Variants in ENTREP2 observed in about 807,000 individuals in gnomAD.
ENTREP2 encodes endosomal transmembrane epsin interactor 2, also known as protein ENTREP2.
the ENTREP2 span, among the ~76,000 whole-genome samples, chr15:29,223,537 G>A: frequency 6.6e-6 from 1 of 152,216 alleles, no homozygotes; most frequent in Non-Finnish European, 1.5e-5. Context: ...ACTCAGCTAC[G>A]TGTAACTGGA....
At chr15:29,269,504 C>A in the ENTREP2 span, 2 of 1,600,412 alleles carry the variant, frequency 1.2e-6, no homozygotes, top group Middle Eastern at 1.7e-4. Flanking sequence ...GCCCGGCGGG[C>A]GCCCTGAGGC....
At chr15:29,224,845 G>A in the ENTREP2 span, among the ~76,000 whole-genome samples, 140 of 152,322 alleles carry the variant, frequency 9.2e-4, 1 homozygote, top group African/African-American at 3.2e-3. Flanking sequence ...GGAGCAGGGG[G>A]CGGTGCACAC....
At chr15:29,361,608 T>C in the ENTREP2 span, among the ~76,000 whole-genome samples, 23 of 152,320 alleles carry the variant, frequency 1.5e-4, no homozygotes, top group South Asian at 6.2e-4. Flanking sequence ...AGTTTCCAAG[T>C]CATTGCACGG....
the ENTREP2 span, among the ~76,000 whole-genome samples, chr15:29,200,350 A>G: frequency 6.6e-6 from 1 of 151,836 alleles, no homozygotes; most frequent in African/African-American, 2.4e-5. Context: ...TAATTTTTGT[A>G]TTTTTAGTAG....
At chr15:29,625,037 G>A in the ENTREP2 span, among the ~76,000 whole-genome samples, 2 of 151,802 alleles carry the variant, frequency 1.3e-5, no homozygotes, top group East Asian at 1.9e-4. Context: ...CCACCCACCC[G>A]TCCCTAACAG....
At chr15:29,544,284 C>T in the ENTREP2 span, among the ~76,000 whole-genome samples, 11 of 152,140 alleles carry the variant, frequency 7.2e-5, no homozygotes, top group African/African-American at 2.4e-4. Context: ...CAGAATAATT[C>T]ACAGTTAGTA....
the ENTREP2 span, among the ~76,000 whole-genome samples, chr15:29,415,513 GC>G: frequency 2.6e-5 from 4 of 152,032 alleles, no homozygotes; most frequent in African/African-American, 9.7e-5. Flanking sequence ...AATAATAAGA[GC>G]TATCTATGAC....
chr15:29,544,313 G>A, the ENTREP2 span, among the ~76,000 whole-genome samples: 1 of 152,202 alleles, frequency 6.6e-6, no homozygotes, highest in Non-Finnish European at 1.5e-5. Context: ...GATAGAGACA[G>A]GAGGTATAAC....
the ENTREP2 span, among the ~76,000 whole-genome samples, chr15:29,243,017 T>G: frequency 6.6e-6 from 1 of 152,180 alleles, no homozygotes; most frequent in Non-Finnish European, 1.5e-5. Flanking sequence ...CTAGCGAAGC[T>G]GGAGGAGCCA....
the ENTREP2 span, among the ~76,000 whole-genome samples, chr15:29,605,104 T>C: frequency 6.6e-6 from 1 of 152,338 alleles, no homozygotes; most frequent in South Asian, 2.1e-4. Flanking sequence ...GAAGCTGCTC[T>C]GTTTCCTGGC....
the ENTREP2 span, among the ~76,000 whole-genome samples, chr15:29,328,386 G>C: frequency 6.6e-6 from 1 of 152,204 alleles, no homozygotes; most frequent in South Asian, 2.1e-4. Flanking sequence ...CCATTGAACT[G>C]TACAGGCCAA....
At chr15:29,118,601 G>A in the ENTREP2 span, among the ~76,000 whole-genome samples, 12 of 152,338 alleles carry the variant, frequency 7.9e-5, no homozygotes, top group South Asian at 2.3e-3. Context: ...CCAGCAGGGA[G>A]ACACGTCCGC....
chr15:29,668,856 C>T, the ENTREP2 span, among the ~76,000 whole-genome samples: 38 of 152,314 alleles, frequency 2.5e-4, no homozygotes, highest in African/African-American at 8.2e-4. Context: ...AAACTAAAGT[C>T]GGTCAACACA....
the ENTREP2 span, among the ~76,000 whole-genome samples, chr15:29,175,196 G>A: frequency 0.018 from 2,762 of 152,176 alleles, 95 homozygotes; most frequent in African/African-American, 0.063. Flanking sequence ...TTTACAATCT[G>A]CATGACCTTG....
the ENTREP2 span, chr15:29,151,848 G>C: frequency 1.3e-6 from 2 of 1,545,486 alleles, no homozygotes; most frequent in South Asian, 2.4e-5. Flanking sequence ...GATCCTGCGA[G>C]GAAAGGTGCA....
the ENTREP2 span, among the ~76,000 whole-genome samples, chr15:29,226,236 A>G: frequency 6.6e-6 from 1 of 152,212 alleles, no homozygotes; most frequent in Non-Finnish European, 1.5e-5. Flanking sequence ...ACCTTAAAAC[A>G]TACCAATTTT....
chr15:29,562,151 C>T, the ENTREP2 span, among the ~76,000 whole-genome samples: 4 of 152,162 alleles, frequency 2.6e-5, no homozygotes, highest in Non-Finnish European at 4.4e-5. Flanking sequence ...CTGTGGAAAA[C>T]GTGAAACAGA....
the ENTREP2 span, chr15:29,269,499 G>A: frequency 3.7e-6 from 6 of 1,607,212 alleles, no homozygotes; most frequent in Non-Finnish European, 5.1e-6. Flanking sequence ...CCTGGGCCCG[G>A]CGGGCGCCCT....
chr15:29,278,596 C>T, the ENTREP2 span, among the ~76,000 whole-genome samples: 1 of 152,140 alleles, frequency 6.6e-6, no homozygotes, highest in Non-Finnish European at 1.5e-5. Context: ...TGCATCGTGA[C>T]CATAAAAGCA....
Sources: allele counts gnomAD v4.1 joint callset (sites outside exome capture counted in the v4.1 genomes callset), GRCh38; gene constraint gnomAD v4.1.1; transcripts MANE v1.5; gene names NCBI Gene and HGNC (gene_info 2026-07-23, HGNC 2026-07-21).